The following RPS6KC1 variants were observed in gnomAD, a reference collection of about 807,000 sequenced individuals.
RPS6KC1 encodes ribosomal protein S6 kinase C1, also known as inactive ribosomal protein S6 kinase delta-1.
A neutral mutation model predicts 103.8 loss-of-function variants in RPS6KC1; 54 were observed. The ratio of observed to expected loss-of-function variants is 0.52; its 90% CI spans 0.42 to 0.65. The LOEUF is 0.65. RPS6KC1 is among the 30% of genes least tolerant of loss of function. RPS6KC1 has a pLI of 0.00. For synonymous variants in RPS6KC1, 439 were observed against 438.7 expected (o/e 1.00, Z -0.01); for missense variants, 1,151 against 1,253.8 (o/e 0.92, Z 1.24).
chr1:213,507,332 G>A, the RPS6KC1 span, among the ~76,000 whole-genome samples: 3,197 of 152,176 alleles, frequency 0.021, 121 homozygotes, highest in African/African-American at 0.073. Flanking sequence ...TGTTGGCAGC[G>A]CAGGGTGGGG....
chr1:213,602,142 CTTTCTTTCTTTCTTTCTT>C, the RPS6KC1 span, among the ~76,000 whole-genome samples: 1 of 64,900 alleles, frequency 1.5e-5, no homozygotes, highest in Non-Finnish European at 3.0e-5. Context: ...TTCTTTCTTT[CTTTCTTTCTTTCTTTCTT>C]TCTTTCTTTC....
chr1:213,200,976 G>A (rs1303872384), intron 8 of RPS6KC1, among the ~76,000 whole-genome samples: 1 of 152,180 alleles, frequency 6.6e-6, no homozygotes, highest in African/African-American at 2.4e-5. Flanking sequence ...TCAGAGGGTG[G>A]CGGGTGGGAG....
At chr1:213,112,996 T>C (rs1368282849) in intron 4 of RPS6KC1, among the ~76,000 whole-genome samples, 12 of 152,244 alleles carry the variant, frequency 7.9e-5, no homozygotes, top group African/African-American at 2.9e-4. Flanking sequence ...AAGTCTTTGC[T>C]ATTGTGAATA....
rs767679056 is a variant in RPS6KC1, at chr1:213,119,783, G to A, written c.472+2373G>A. Among the ~76,000 whole-genome samples the A allele has an allele frequency of 8.7e-4, 133 of 152,038 alleles. 9 individuals carry two copies. Among genetic ancestry groups the A allele is most frequent in the Non-Finnish European group, 3.8e-4 (26 of 67,974 alleles). On this transcript the variant is annotated intron_variant, in intron 5 of 14. Transcript: ENST00000366960. ...GAGAAGCATGATTATTAGGAATGAG[G>A]TTTCTTGGGATGGTATTCTAAAATA...
the RPS6KC1 span, among the ~76,000 whole-genome samples, chr1:213,412,396 C>T: frequency 6.6e-6 from 1 of 152,186 alleles, no homozygotes; most frequent in African/African-American, 2.4e-5. Flanking sequence ...GCTGGGGGCC[C>T]AGCCTGAGGA....
At chr1:213,545,540 C>T in the RPS6KC1 span, among the ~76,000 whole-genome samples, 1 of 152,144 alleles carries the variant, frequency 6.6e-6, no homozygotes, top group African/African-American at 2.4e-5. Flanking sequence ...GTGTCTGTCT[C>T]TGTGTCCAAA....
chr1:213,802,444 C>T, the RPS6KC1 span, among the ~76,000 whole-genome samples: 1 of 152,162 alleles, frequency 6.6e-6, no homozygotes, highest in African/African-American at 2.4e-5. Context: ...ACCAGTAAGA[C>T]CTCCAGTAAC....
the RPS6KC1 span, chr1:213,843,463 A>G: frequency 6.6e-6 from 1 of 152,226 alleles, no homozygotes; most frequent in African/African-American, 2.4e-5. Context: ...TTCCTGAAAC[A>G]ACTAAGCCAA....
the RPS6KC1 span, among the ~76,000 whole-genome samples, chr1:213,490,073 T>G: frequency 6.6e-6 from 1 of 152,134 alleles, no homozygotes; most frequent in African/African-American, 2.4e-5. Flanking sequence ...AGTCTCTTAG[T>G]TAGGGGTTTG....
At chr1:213,708,332 T>G in the RPS6KC1 span, among the ~76,000 whole-genome samples, 1 of 152,234 alleles carries the variant, frequency 6.6e-6, no homozygotes, top group Admixed American at 6.5e-5. Context: ...ATGAGTTGGC[T>G]CTCTCTTTCT....
chr1:213,856,434 CTG>C, the RPS6KC1 span, among the ~76,000 whole-genome samples: 1 of 151,734 alleles, frequency 6.6e-6, no homozygotes, highest in South Asian at 2.1e-4. Flanking sequence ...TTCTCTCTCT[CTG>C]TGTTTCTCTC....
the RPS6KC1 span, among the ~76,000 whole-genome samples, chr1:213,592,172 C>G: frequency 2.0e-5 from 3 of 151,934 alleles, no homozygotes; most frequent in Non-Finnish European, 4.4e-5. Flanking sequence ...TTCAAAAACC[C>G]TAATGGCTTT....
chr1:213,557,594 A>G, the RPS6KC1 span, among the ~76,000 whole-genome samples: 120,708 of 152,174 alleles, frequency 0.79, 48,662 homozygotes, highest in East Asian at 0.98. Context: ...AGGTATTTAT[A>G]AGGCATGAGG....
chr1:213,392,234 T>C, the RPS6KC1 span, among the ~76,000 whole-genome samples: 1 of 152,078 alleles, frequency 6.6e-6, no homozygotes, highest in Non-Finnish European at 1.5e-5. Context: ...TCTGGTGCTG[T>C]TGAAACTCAC....
the RPS6KC1 span, among the ~76,000 whole-genome samples, chr1:213,545,411 T>TAAATAAATAAATAAATA: frequency 1.4e-3 from 106 of 75,282 alleles, no homozygotes; most frequent in Middle Eastern, 6.9e-3. Flanking sequence ...AATAAATAAA[T>TAAATAAATAAATAAATA]AAATAAAATA....
chr1:213,323,451 G>C, the RPS6KC1 span, among the ~76,000 whole-genome samples: 2 of 152,106 alleles, frequency 1.3e-5, no homozygotes, highest in Admixed American at 6.5e-5. Flanking sequence ...ACACATCTTG[G>C]ACCAATTTCA....
At chr1:213,311,387 C>G in the RPS6KC1 span, among the ~76,000 whole-genome samples, 2 of 152,164 alleles carry the variant, frequency 1.3e-5, no homozygotes, top group Non-Finnish European at 2.9e-5. Flanking sequence ...ATCCACCCAC[C>G]TCGGCCTCCC....
At chr1:213,611,916 C>T in the RPS6KC1 span, among the ~76,000 whole-genome samples, 1 of 152,170 alleles carries the variant, frequency 6.6e-6, no homozygotes, top group Non-Finnish European at 1.5e-5. Context: ...CCTGGAGAAA[C>T]CTCAGCAACA....
At chr1:213,599,183 A>G in the RPS6KC1 span, among the ~76,000 whole-genome samples, 22 of 152,328 alleles carry the variant, frequency 1.4e-4, no homozygotes, top group South Asian at 4.6e-3. Flanking sequence ...GACGTTTACA[A>G]TTGCTGGTTG....
Sources: gnomAD v4.1 joint callset for allele counts (sites outside exome capture counted in the v4.1 genomes callset) on GRCh38, gnomAD v4.1.1 for gene constraint, MANE v1.5 for transcripts, NCBI Gene and HGNC (gene_info 2026-07-23, HGNC 2026-07-21) for gene names.